The following XKR4 variants were observed in gnomAD, a reference collection of about 807,000 sequenced individuals.
The protein encoded by XKR4 is XK-related protein 4.
Under a neutral mutation model 53.9 loss-of-function variants are expected in XKR4, and 12 were observed. The observed-to-expected ratio is 0.22, with a 90% CI of 0.14 to 0.36. The LOEUF is 0.36. Ranked by LOEUF, XKR4 falls within the 10% of genes least tolerant of loss-of-function variation. The pLI is 1.00. For missense variants in XKR4, 799 were observed against 859.5 expected, an observed-to-expected ratio of 0.93 and a Z score of 0.88; for synonymous variants, 354 against 362.4, an observed-to-expected ratio of 0.98 and a Z score of 0.26.
intron 2 of XKR4, among the ~76,000 whole-genome samples, chr8:55,462,769 C>G (rs1001097094): frequency 9.9e-5 from 15 of 152,168 alleles, no homozygotes; most frequent in Non-Finnish European, 1.5e-4. Context: ...AAAATAAAGG[C>G]ATGGAGGAAG....
chr8:55,114,258 T>C (rs1816274753), intron 1 of XKR4, among the ~76,000 whole-genome samples: 2 of 152,210 alleles, frequency 1.3e-5, no homozygotes, highest in Admixed American at 6.5e-5. Context: ...GACTTTTTGA[T>C]AATAGCCATT....
chr8:55,345,874 C>T (rs935000919), intron 1 of XKR4, among the ~76,000 whole-genome samples: 1 of 152,036 alleles, frequency 6.6e-6, no homozygotes, highest in African/African-American at 2.4e-5. Flanking sequence ...ACCATGACCC[C>T]TAATGCCTGT....
At chr8:55,110,883 C>A (rs6473972) in intron 1 of XKR4, among the ~76,000 whole-genome samples, 5,975 of 152,174 alleles carry the variant, frequency 0.039, 214 homozygotes, top group African/African-American at 0.092. Flanking sequence ...TTCTTATCAT[C>A]ATAAAACATC....
intron 1 of XKR4, among the ~76,000 whole-genome samples, chr8:55,248,337 C>A (rs1818317892): frequency 6.6e-6 from 1 of 152,200 alleles, no homozygotes; most frequent in South Asian, 2.1e-4. Context: ...AAAGTGCATT[C>A]ATCCTCTGTT....
intron 1 of XKR4, among the ~76,000 whole-genome samples, chr8:55,350,733 C>G (rs368615361): frequency 1.4e-5 from 2 of 139,368 alleles, no homozygotes; most frequent in African/African-American, 5.3e-5. Flanking sequence ...TTTTCTTTTT[C>G]TTTTCTTTTT....
At chr8:55,393,425 AGG>A (rs1804471086) in intron 2 of XKR4, among the ~76,000 whole-genome samples, 1 of 52,682 alleles carries the variant, frequency 1.9e-5, no homozygotes, top group African/African-American at 3.7e-5. Flanking sequence ...GAAGGAAGGA[AGG>A]AAGGAAGGAA....
intron 2 of XKR4, among the ~76,000 whole-genome samples, chr8:55,439,448 C>G (rs186337950): frequency 1.3e-5 from 2 of 152,196 alleles, no homozygotes; most frequent in East Asian, 3.9e-4. Context: ...TCAGCAGATA[C>G]TGGATCTATT....
At chr8:55,426,090 T>G (rs1311178496) in intron 2 of XKR4, among the ~76,000 whole-genome samples, 4 of 152,190 alleles carry the variant, frequency 2.6e-5, no homozygotes, top group Non-Finnish European at 4.4e-5. Flanking sequence ...TGGAGCTATC[T>G]CTGGGGTGAT....
intron 2 of XKR4, among the ~76,000 whole-genome samples, chr8:55,465,896 T>G (rs1805759656): frequency 6.6e-6 from 1 of 152,132 alleles, no homozygotes; most frequent in South Asian, 2.1e-4. Context: ...ATGCTCATCA[T>G]CACTGGCCAT....
In XKR4 at chr8:55,326,526, A is replaced by G. The variant is rs568949783; in HGVS notation, c.807-31152A>G. Among the ~76,000 whole-genome samples, 32 of 129,554 alleles carry G rather than the reference A, an allele frequency of 2.5e-4. No individual in the cohort carries two copies. The East Asian group carries it at 7.2e-3, about 29-fold the overall frequency. The allele number at this position is 129,554 out of a possible 152,430, so 85.0% of individuals were successfully genotyped here. A position where few individuals can be genotyped will look rare whatever the true frequency, so the allele number is the denominator to read the frequency against. On this transcript the variant is annotated intron_variant, in intron 1 of 2. Coordinates refer to ENST00000327381, the MANE Select transcript of XKR4 (RefSeq NM_052898.2). ...TGCTCTGTCACCCAGGTTGGAGTGCAGTGGCCCAATCTCGGCTCACTGCAA... is the reference window on the plus strand; with the variant it reads ...TGCTCTGTCACCCAGGTTGGAGTGCGGTGGCCCAATCTCGGCTCACTGCAA...
rs1365757474 is a variant in XKR4 at position 55,525,380 on chromosome 8, C to G, written c.*1153C>G. On this transcript the variant is annotated 3_prime_UTR_variant, in exon 3 of 3. Transcript: ENST00000327381. ...CCACTGTGTACAGACTTTTCCTCCC[C>G]CCAATCCAAGGTCAAAGTGATGTGT... 2.6e-5 allele frequency: 4 copies of G among 152,658 alleles called. No individual in the cohort carries two copies. The highest frequency in any genetic ancestry group is 9.6e-5 in the African/African-American group (4 of 41,456). The allele number at this position is 152,658 out of a possible 1,614,324, so 9.5% of individuals were successfully genotyped here. A position where few individuals can be genotyped will look rare whatever the true frequency, so the allele number is the denominator to read the frequency against.
At chr8:55,421,325 A>G (rs1408049248) in intron 2 of XKR4, among the ~76,000 whole-genome samples, 1 of 152,272 alleles carries the variant, frequency 6.6e-6, no homozygotes, top group Non-Finnish European at 1.5e-5. Context: ...ATGAAAACTT[A>G]TCTTTGAAGT....
intron 2 of XKR4, among the ~76,000 whole-genome samples, chr8:55,393,963 A>T (rs1389466145): frequency 1.3e-5 from 2 of 152,214 alleles, no homozygotes; most frequent in African/African-American, 4.8e-5. Flanking sequence ...CTCTAGAATG[A>T]TGCCTTTATA....
At position 55,531,740 on chromosome 8, in the gene XKR4, G is replaced by A. The variant is rs1310138525; in HGVS notation, c.*7513G>A. ...GAAATTAGGGAGACTCCAAAGTGAA[G>A]AGTTTTCCAATAGGTGACTTCTCTG... On this transcript the variant is annotated 3_prime_UTR_variant, in exon 3 of 3. Transcript: ENST00000327381. 2.6e-5 allele frequency: 4 copies of A among 152,240 alleles called. No homozygotes were observed. Among genetic ancestry groups the A allele is most frequent in the African/African-American group, 4.8e-5 (2 of 41,462 alleles). 9.4% of individuals were successfully genotyped at this position (152,240 alleles called of 1,614,324 possible).
chr8:55,229,300 T>C (rs541124509), intron 1 of XKR4, among the ~76,000 whole-genome samples: 2 of 152,126 alleles, frequency 1.3e-5, no homozygotes, highest in South Asian at 2.1e-4. Context: ...GGACCAGAGG[T>C]TGTGGAGCAA....
chr8:55,387,158 T>C (rs1340137002), intron 2 of XKR4, among the ~76,000 whole-genome samples: 1 of 152,346 alleles, frequency 6.6e-6, no homozygotes, highest in East Asian at 1.9e-4. Flanking sequence ...GACAACACCC[T>C]GTGCATAAAG....
chr8:55,486,513 T>C (rs1806192961), intron 2 of XKR4, among the ~76,000 whole-genome samples: 2 of 152,218 alleles, frequency 1.3e-5, no homozygotes, highest in African/African-American at 2.4e-5. Flanking sequence ...CAATTATACC[T>C]CCAGCATCAG....
At chr8:55,108,323 G>A (rs1369887599) in intron 1 of XKR4, among the ~76,000 whole-genome samples, 1 of 152,154 alleles carries the variant, frequency 6.6e-6, no homozygotes, top group Non-Finnish European at 1.5e-5. Context: ...ATTGTATTTT[G>A]AAGGCATGAA....
chr8:55,519,796 T>G lies in XKR4; in HGVS notation c.1007-3485T>G, dbSNP rs75454628. Among the ~76,000 whole-genome samples, 468 of 152,334 alleles carry G rather than the reference T, an allele frequency of 3.1e-3. 7 individuals are homozygous for G. The East Asian group carries it at 0.05, about 16-fold the overall frequency. On this transcript the variant is annotated intron_variant, in intron 2 of 2. Coordinates refer to ENST00000327381, the MANE Select transcript of XKR4 (RefSeq NM_052898.2). ...GCCCCTATTCATAGGAAATAAACACTGGCATATTTTAGGATAAAGGACCAT... is the reference window on the plus strand; with the variant it reads ...GCCCCTATTCATAGGAAATAAACACGGGCATATTTTAGGATAAAGGACCAT...
Sources: allele counts gnomAD v4.1 joint callset (sites outside exome capture counted in the v4.1 genomes callset), GRCh38; gene constraint gnomAD v4.1.1; transcripts MANE v1.5; gene names NCBI Gene and HGNC (gene_info 2026-07-23, HGNC 2026-07-21).